SRGAP3: variants seen among roughly 807,000 people sequenced by gnomAD.
The protein encoded by SRGAP3 is SLIT-ROBO Rho GTPase-activating protein 3.
SRGAP3 carries 39 observed loss-of-function variants against 121.1 expected under a neutral mutation model. The observed-to-expected ratio is 0.32, with a 90% CI of 0.25 to 0.42. SRGAP3 has a LOEUF of 0.42. Among genes scored for constraint, SRGAP3 ranks in the 10% least tolerant of loss-of-function variants. The probability of loss-of-function intolerance (pLI) is 1.00; values close to 1 mark genes in which losing one functional copy is unlikely to be tolerated. For synonymous variants in SRGAP3, 601 were observed against 570.0 expected (o/e 1.05, Z -0.77); for missense variants, 1,213 against 1,470.6 (o/e 0.82, Z 2.86).
In SRGAP3 at chr3:9,213,061, C is replaced by A. The variant is rs1952500100; in HGVS notation, c.67+35824G>T. ...AGAAAAACTTCCCCTGGATTTGGGG[C>A]CCCACTTCTCGACCTGGTGTCCTTC... On this transcript the variant is annotated intron_variant, in intron 1 of 21. Transcript: ENST00000383836. Among the ~76,000 whole-genome samples, 3 of 152,174 alleles carry A rather than the reference C, an allele frequency of 2.0e-5. No homozygotes were observed. The South Asian group carries it at 6.2e-4, about 32-fold the overall frequency.
At chr3:8,992,656 T>C (rs1351624873) in intron 20 of SRGAP3, 10 of 588,580 alleles carry the variant, frequency 1.7e-5, no homozygotes, top group Non-Finnish European at 2.7e-5. Context: ...ATTATTATTT[T>C]AAATAAAAAA....
intron 1 of SRGAP3, among the ~76,000 whole-genome samples, chr3:9,174,202 G>C (rs982286531): frequency 6.6e-6 from 1 of 152,186 alleles, no homozygotes; most frequent in Non-Finnish European, 1.5e-5. Context: ...GGAATGAGGA[G>C]TTATTGTTTA....
At chr3:9,299,391 A>C (rs180692185) in intron 3 of SRGAP3, among the ~76,000 whole-genome samples, 4 of 151,822 alleles carry the variant, frequency 2.6e-5, no homozygotes, top group Admixed American at 2.0e-4. Flanking sequence ...AGAAAAGAAA[A>C]GAAACTTCAA....
chr3:9,058,133 G>C, intron 7 of SRGAP3, 118 bp downstream of exon 7: 1 of 1,094,858 alleles, frequency 9.1e-7, no homozygotes, highest in Non-Finnish European at 1.4e-6. Flanking sequence ...TGAACCAGGA[G>C]CTTGACCCCA....
At chr3:9,119,201 A>G (rs1046955570) in intron 2 of SRGAP3, among the ~76,000 whole-genome samples, 3 of 152,146 alleles carry the variant, frequency 2.0e-5, no homozygotes, top group African/African-American at 7.2e-5. Context: ...CAGAAACAGG[A>G]GACATCCTTG....
At chr3:9,026,820 A>G in intron 13 of SRGAP3, 115 bp downstream of exon 13, 3 of 1,186,086 alleles carry the variant, frequency 2.5e-6, no homozygotes, top group Non-Finnish European at 3.8e-6. Flanking sequence ...TCCCCCTCCA[A>G]AGCAGAGCTG....
rs115118123 is a variant in SRGAP3 at position 9,177,823 on chromosome 3, G to C, written c.68-52906C>G. Reference sequence around the variant, plus strand: ...CTCTAGGGAAGACCATGTGACCCTGGTCTGGCCAAGAGAAGAAGGGCATCT... The same window carrying C: ...CTCTAGGGAAGACCATGTGACCCTGCTCTGGCCAAGAGAAGAAGGGCATCT... On this transcript the variant is annotated intron_variant, in intron 1 of 21. Coordinates refer to ENST00000383836, the MANE Select transcript of SRGAP3 (RefSeq NM_014850.4). 7.5e-3 allele frequency among the ~76,000 whole-genome samples: 1,136 copies of C among 152,248 alleles called. 13 individuals are homozygous for C. The highest frequency in any genetic ancestry group is 0.024 in the African/African-American group (1,010 of 41,534).
intron 3 of SRGAP3, among the ~76,000 whole-genome samples, chr3:9,264,580 G>A (rs1425333113): frequency 1.3e-5 from 2 of 152,052 alleles, no homozygotes; most frequent in Non-Finnish European, 2.9e-5. Context: ...ACCAATAACA[G>A]ACAAACAAAG....
At chr3:9,078,266 G>A (rs1947066353) in intron 4 of SRGAP3, among the ~76,000 whole-genome samples, 1 of 152,058 alleles carries the variant, frequency 6.6e-6, no homozygotes, top group Non-Finnish European at 1.5e-5. Flanking sequence ...GGAATGAATG[G>A]GGGGGTCCCA....
chr3:9,158,542 AT>A (rs1258105745), intron 1 of SRGAP3, among the ~76,000 whole-genome samples: 1 of 152,320 alleles, frequency 6.6e-6, no homozygotes, highest in South Asian at 2.1e-4. Flanking sequence ...CCCGGTATTC[AT>A]TCATTATCCC....
At chr3:9,123,707 AATATATAT>A (rs368589354) in intron 2 of SRGAP3, among the ~76,000 whole-genome samples, 2 of 137,706 alleles carry the variant, frequency 1.5e-5, no homozygotes, top group East Asian at 4.3e-4. Flanking sequence ...TCTGTCTCAA[AATATATAT>A]ATATATATAT....
chr3:9,043,040 C>G (rs1223279464), intron 10 of SRGAP3, among the ~76,000 whole-genome samples: 2 of 152,222 alleles, frequency 1.3e-5, no homozygotes, highest in Admixed American at 6.5e-5. Context: ...GGAAGCCTCT[C>G]TGATCACCCT....
intron 12 of SRGAP3, among the ~76,000 whole-genome samples, chr3:9,032,190 C>T (rs1317599877): frequency 6.6e-6 from 1 of 151,930 alleles, no homozygotes; most frequent in African/African-American, 2.4e-5. Context: ...GGTATATATG[C>T]AACTAAAAAA....
At chr3:9,047,020 G>C (rs541162216) in intron 10 of SRGAP3, among the ~76,000 whole-genome samples, 7 of 152,152 alleles carry the variant, frequency 4.6e-5, no homozygotes, top group Non-Finnish European at 8.8e-5. Context: ...TTTTAGTAGA[G>C]ACGGGGTTTC....
intron 3 of SRGAP3, among the ~76,000 whole-genome samples, chr3:9,276,890 C>T (rs556957044): frequency 7.2e-5 from 11 of 152,280 alleles, no homozygotes; most frequent in South Asian, 2.1e-4. Context: ...AAGGGTCTCC[C>T]ATTATCTGAG....
intron 3 of SRGAP3, among the ~76,000 whole-genome samples, chr3:9,285,768 CAAAA>C (rs35774144): frequency 7.7e-6 from 1 of 129,360 alleles, no homozygotes; most frequent in Non-Finnish European, 1.7e-5. Context: ...CGCCCCACCT[CAAAA>C]AAAAAAAAAA....
chr3:9,317,420 A>C (rs190589166), intron 3 of SRGAP3, among the ~76,000 whole-genome samples: 73 of 152,336 alleles, frequency 4.8e-4, no homozygotes, highest in African/African-American at 1.5e-3. Flanking sequence ...CATTTACTAA[A>C]GGGTCTTCTC....
intron 3 of SRGAP3, among the ~76,000 whole-genome samples, chr3:9,308,684 G>A (rs1464460372): frequency 1.3e-5 from 2 of 152,282 alleles, no homozygotes; most frequent in East Asian, 3.9e-4. Flanking sequence ...AAATAAGACT[G>A]CAATGACACC....
At chr3:9,143,280 G>C (rs1178613938) in intron 1 of SRGAP3, among the ~76,000 whole-genome samples, 1 of 152,148 alleles carries the variant, frequency 6.6e-6, no homozygotes, top group Non-Finnish European at 1.5e-5. Flanking sequence ...CCAGCCTTCA[G>C]GCCTTCCGCA....
Sources: allele counts gnomAD v4.1 joint callset (sites outside exome capture counted in the v4.1 genomes callset), GRCh38; gene constraint gnomAD v4.1.1; transcripts MANE v1.5; gene names NCBI Gene and HGNC (gene_info 2026-07-23, HGNC 2026-07-21).